The following SLC38A11 variants were observed in gnomAD, a reference collection of about 807,000 sequenced individuals.
SLC38A11 encodes the protein putative sodium-coupled neutral amino acid transporter 11.
SLC38A11 carries 51 observed loss-of-function variants against 49.4 expected under a neutral mutation model. That is an observed-to-expected ratio of 1.03 (90% CI 0.83 to 1.30). SLC38A11 has a LOEUF of 1.30. Ranked by LOEUF, SLC38A11 falls within the 50% of genes most tolerant of loss-of-function variation. SLC38A11 has a pLI of 0.00. For missense variants in SLC38A11, 574 were observed against 556.2 expected (o/e 1.03, Z -0.32); for synonymous variants, 203 against 192.9 (o/e 1.05, Z -0.43).
At chr2:164,947,117 CTTTTTTTTTTTTTT>C (rs200284770) in intron 3 of SLC38A11, among the ~76,000 whole-genome samples, 39 of 72,914 alleles carry the variant, frequency 5.3e-4, no homozygotes, top group East Asian at 3.2e-3. Context: ...TTTTTTATCT[CTTTTTTTTTTTTTT>C]TTTTTTTTTT....
At chr2:164,903,950 T>C (rs1188340660) in intron 11 of SLC38A11, among the ~76,000 whole-genome samples, 11 of 152,172 alleles carry the variant, frequency 7.2e-5, no homozygotes, top group African/African-American at 2.7e-4. Context: ...ATAATGCTTA[T>C]ACATCTTTTA....
chr2:164,940,264 T>C (rs1331269922), intron 5 of SLC38A11, among the ~76,000 whole-genome samples: 2 of 148,096 alleles, frequency 1.4e-5, no homozygotes, highest in African/African-American at 4.9e-5. Flanking sequence ...ATATCACATA[T>C]ATAATTATAT....
chr2:164,947,776 C>T (rs1004055583), intron 3 of SLC38A11, among the ~76,000 whole-genome samples: 3 of 152,116 alleles, frequency 2.0e-5, no homozygotes, highest in African/African-American at 7.2e-5. Context: ...CCTGTGGTTA[C>T]TAAGTCTATT....
chr2:164,946,334 A>C (rs1024613039), intron 3 of SLC38A11, among the ~76,000 whole-genome samples: 15 of 152,058 alleles, frequency 9.9e-5, no homozygotes, highest in African/African-American at 3.6e-4. Flanking sequence ...TTGGGAGGCC[A>C]AGGTGGGCAG....
At chr2:164,935,178 T>C (rs1043248415) in intron 7 of SLC38A11, among the ~76,000 whole-genome samples, 23 of 119,352 alleles carry the variant, frequency 1.9e-4, no homozygotes, top group African/African-American at 9.6e-4. Flanking sequence ...ATTTTTCTTC[T>C]TTTTTTTTTT....
intron 7 of SLC38A11, among the ~76,000 whole-genome samples, chr2:164,924,280 T>A: frequency 6.6e-6 from 1 of 152,046 alleles, no homozygotes; most frequent in East Asian, 1.9e-4. Flanking sequence ...TACATGTGGA[T>A]ATAAAGATGG....
At chr2:164,952,136 C>T (rs577578362) in intron 3 of SLC38A11, among the ~76,000 whole-genome samples, 7 of 152,188 alleles carry the variant, frequency 4.6e-5, no homozygotes, top group East Asian at 1.9e-4. Flanking sequence ...AGTGACAAAA[C>T]GTGGGTGTGA....
intron 7 of SLC38A11, among the ~76,000 whole-genome samples, chr2:164,926,214 C>T (rs1686571685): frequency 1.3e-5 from 2 of 152,152 alleles, no homozygotes; most frequent in African/African-American, 4.8e-5. Flanking sequence ...TCTAGTTACT[C>T]ACCTGTTTAA....
intron 2 of SLC38A11, 53 bp from the exon 3 acceptor site, chr2:164,952,834 A>C: frequency 1.5e-6 from 2 of 1,342,730 alleles, no homozygotes; most frequent in Non-Finnish European, 2.1e-6. Flanking sequence ...AGCTAGAAAC[A>C]CAGAAATTCC....
At chr2:164,921,509 T>C (rs1353342642) in intron 7 of SLC38A11, among the ~76,000 whole-genome samples, 1 of 151,664 alleles carries the variant, frequency 6.6e-6, no homozygotes, top group South Asian at 2.1e-4. Context: ...TTTTTTTTTT[T>C]TGTAGAGGTG....
In SLC38A11 at chr2:164,897,847, T is replaced by G. The variant is rs1232854511; in HGVS notation, c.*590A>C. On this transcript the variant is annotated 3_prime_UTR_variant, in exon 12 of 12. Transcript: ENST00000685975. Reference sequence around the variant, plus strand: ...GGTGATTTTGATTCTTTACACACCTTGCTCCTCACAGCCAGTCTATGATTC... The same window carrying G: ...GGTGATTTTGATTCTTTACACACCTGGCTCCTCACAGCCAGTCTATGATTC... The G allele has an allele frequency of 6.6e-6, 1 of 152,316 alleles. No individual in the cohort carries two copies. The highest frequency in any genetic ancestry group is 1.5e-5 in the Non-Finnish European group (1 of 68,180). The allele number at this position is 152,316 out of a possible 1,614,324, so 9.4% of individuals were successfully genotyped here. A position where few individuals can be genotyped will look rare whatever the true frequency, so the allele number is the denominator to read the frequency against.
intron 9 of SLC38A11, 40 bp downstream of exon 9, chr2:164,915,072 C>T (rs1573910512): frequency 6.5e-7 from 1 of 1,548,580 alleles, no homozygotes; most frequent in East Asian, 2.3e-5. Flanking sequence ...TATACCTGTA[C>T]CAATGCACAT....
chr2:164,935,153 C>G (rs916195823), intron 7 of SLC38A11, among the ~76,000 whole-genome samples: 38 of 151,848 alleles, frequency 2.5e-4, no homozygotes, highest in African/African-American at 8.7e-4. Flanking sequence ...CACTTATCAC[C>G]TTGTACTGTC....
chr2:164,903,653 G>A (rs1440365152), intron 11 of SLC38A11, among the ~76,000 whole-genome samples: 1 of 152,134 alleles, frequency 6.6e-6, no homozygotes, highest in South Asian at 2.1e-4. Flanking sequence ...ACTTGCTTAA[G>A]GATACACCAC....
intron 7 of SLC38A11, among the ~76,000 whole-genome samples, chr2:164,920,010 T>G (rs1686070710): frequency 6.6e-6 from 1 of 152,110 alleles, no homozygotes; most frequent in Admixed American, 6.5e-5. Context: ...GGCGTGGTGC[T>G]CACGTCCGTA....
At chr2:164,914,108 T>A (rs1427186052) in intron 9 of SLC38A11, among the ~76,000 whole-genome samples, 1 of 151,856 alleles carries the variant, frequency 6.6e-6, no homozygotes, top group East Asian at 1.9e-4. Context: ...AACTTAAGAG[T>A]CAGAAGACTT....
rs200284770 is a variant in SLC38A11 at position 164,947,117 on chromosome 2, C to CTTTTTTTTTTTTTTTTTT, written c.230-1408_230-1391dup. ...CCTGGATTCTTGGACTTTTTTATCT[C>CTTTTTTTTTTTTTTTTTT]TTTTTTTTTTTTTTTTTTTTTTTTT... is the stretch of plus-strand genomic sequence containing the variant. On this transcript the variant is annotated intron_variant, in intron 3 of 11. Transcript: ENST00000685975. Among the ~76,000 whole-genome samples, 23 of 72,902 alleles carry CTTTTTTTTTTTTTTTTTT rather than the reference C, an allele frequency of 3.2e-4. 3 individuals are homozygous for CTTTTTTTTTTTTTTTTTT. Among genetic ancestry groups the CTTTTTTTTTTTTTTTTTT allele is most frequent in the African/African-American group, 1.5e-3 (20 of 12,990 alleles). 47.8% of individuals were successfully genotyped at this position (72,902 alleles called of 152,430 possible). A position where few individuals can be genotyped will look rare whatever the true frequency, so the allele number is the denominator to read the frequency against.
At chr2:164,951,416 C>T (rs567822500) in intron 3 of SLC38A11, among the ~76,000 whole-genome samples, 1 of 151,920 alleles carries the variant, frequency 6.6e-6, no homozygotes, top group East Asian at 1.9e-4. Flanking sequence ...TTTTTAAACA[C>T]CAGCAACTCT....
intron 7 of SLC38A11, among the ~76,000 whole-genome samples, chr2:164,930,430 C>T (rs1481941927): frequency 1.3e-5 from 2 of 151,948 alleles, no homozygotes; most frequent in Non-Finnish European, 2.9e-5. Flanking sequence ...ATACCAAAAT[C>T]TGGCAGAGAA....
Sources: allele counts gnomAD v4.1 joint callset (sites outside exome capture counted in the v4.1 genomes callset), GRCh38; gene constraint gnomAD v4.1.1; transcripts MANE v1.5; gene names NCBI Gene and HGNC (gene_info 2026-07-23, HGNC 2026-07-21).